Variants in ATP8B4 observed in about 807,000 individuals in gnomAD.
ATP8B4 encodes probable phospholipid-transporting ATPase IM.
ATP8B4 carries 133 observed loss-of-function variants against 145.6 expected under a neutral mutation model. That is an observed-to-expected ratio of 0.91 (90% CI 0.79 to 1.05). The LOEUF is 1.05. Ranked by LOEUF, ATP8B4 falls within the 50% of genes least tolerant of loss-of-function variation. ATP8B4 has a pLI of 0.00. For missense variants in ATP8B4, 1,458 were observed against 1,425.2 expected (o/e 1.02, Z -0.37); for synonymous variants, 507 against 492.9 (o/e 1.03, Z -0.38).
intron 5 of ATP8B4, among the ~76,000 whole-genome samples, chr15:50,044,100 A>G (rs201841790): frequency 6.6e-6 from 1 of 152,382 alleles, no homozygotes; most frequent in East Asian, 1.9e-4. Context: ...AAACTTATAC[A>G]TGAATTTTTG....
intron 1 of ATP8B4, among the ~76,000 whole-genome samples, chr15:50,115,585 A>T (rs546334488): frequency 4.2e-4 from 64 of 151,976 alleles, no homozygotes; most frequent in South Asian, 1.2e-3. Context: ...TGTGAAAGGG[A>T]AGGAAGGTTT....
chr15:49,962,296 TTC>T (rs1278022461), intron 13 of ATP8B4, among the ~76,000 whole-genome samples: 2 of 152,252 alleles, frequency 1.3e-5, no homozygotes, highest in Non-Finnish European at 2.9e-5. Context: ...AATGTTATCA[TTC>T]TGTTATTACA....
intron 8 of ATP8B4, among the ~76,000 whole-genome samples, chr15:50,001,353 G>A (rs1009646482): frequency 6.6e-6 from 1 of 152,112 alleles, no homozygotes; most frequent in Non-Finnish European, 1.5e-5. Context: ...GTCCAAAGTA[G>A]GGTCCCACAG....
At chr15:50,097,350 T>C (rs967160422) in intron 2 of ATP8B4, among the ~76,000 whole-genome samples, 2 of 131,470 alleles carry the variant, frequency 1.5e-5, no homozygotes, top group East Asian at 3.9e-4. Flanking sequence ...TGTAATCTAA[T>C]TATACAAAAA....
At chr15:49,937,362 C>T (rs2041823686) in intron 14 of ATP8B4, among the ~76,000 whole-genome samples, 2 of 152,114 alleles carry the variant, frequency 1.3e-5, no homozygotes, top group African/African-American at 4.8e-5. Context: ...CCAATTCTAC[C>T]CAGAAAATAT....
chr15:49,995,891 C>T (rs1029237243), intron 9 of ATP8B4, among the ~76,000 whole-genome samples: 1 of 151,946 alleles, frequency 6.6e-6, no homozygotes, highest in Non-Finnish European at 1.5e-5. Context: ...TATTATGGTG[C>T]CTAAAATCCT....
intron 14 of ATP8B4, among the ~76,000 whole-genome samples, chr15:49,940,846 T>G (rs534433673): frequency 1.3e-5 from 2 of 152,184 alleles, no homozygotes; most frequent in South Asian, 4.1e-4. Flanking sequence ...AGAGCACCAA[T>G]TGGTCAATAA....
At chr15:49,937,293 C>G (rs552144265) in intron 14 of ATP8B4, among the ~76,000 whole-genome samples, 1 of 152,030 alleles carries the variant, frequency 6.6e-6, no homozygotes, top group Non-Finnish European at 1.5e-5. Flanking sequence ...ATTTCAAGCC[C>G]CTAAGATCAA....
At chr15:49,996,629 C>T in intron 9 of ATP8B4, 48 bp downstream of exon 9, 1 of 1,423,726 alleles carries the variant, frequency 7.0e-7, no homozygotes, top group South Asian at 1.3e-5. Flanking sequence ...TGTTGCATTG[C>T]TTTTTGGGTT....
chr15:50,153,362 G>A (rs1411918755), intron 1 of ATP8B4, among the ~76,000 whole-genome samples: 6 of 141,088 alleles, frequency 4.3e-5, no homozygotes, highest in African/African-American at 1.3e-4. Flanking sequence ...TTTTTGAAAC[G>A]GTGTCCCACG....
At chr15:49,899,807 G>A (rs1212175267) in intron 21 of ATP8B4, among the ~76,000 whole-genome samples, 1 of 152,082 alleles carries the variant, frequency 6.6e-6, no homozygotes, top group Non-Finnish European at 1.5e-5. Context: ...CAAAAACATA[G>A]TCAAGTCTCC....
chr15:49,977,770 C>T (rs534613303), intron 12 of ATP8B4, among the ~76,000 whole-genome samples: 16 of 152,150 alleles, frequency 1.1e-4, no homozygotes, highest in Admixed American at 7.9e-4. Flanking sequence ...AAGTGTTATA[C>T]TGATATCAAA....
At chr15:50,095,694 G>A (rs1484490113) in intron 2 of ATP8B4, among the ~76,000 whole-genome samples, 1 of 151,920 alleles carries the variant, frequency 6.6e-6, no homozygotes, top group African/African-American at 2.4e-5. Context: ...GTTTGAGGCT[G>A]TAGTGAGCTA....
At chr15:49,973,956 C>T (rs190750401) in intron 12 of ATP8B4, among the ~76,000 whole-genome samples, 8 of 151,854 alleles carry the variant, frequency 5.3e-5, no homozygotes, top group African/African-American at 1.7e-4. Flanking sequence ...ATTGTATCTG[C>T]CTATTTTATT....
chr15:50,051,802 A>T (rs2052206797), intron 3 of ATP8B4, among the ~76,000 whole-genome samples: 1 of 152,246 alleles, frequency 6.6e-6, no homozygotes, highest in Non-Finnish European at 1.5e-5. Flanking sequence ...AAACCACGGC[A>T]GGAATTATAA....
chr15:50,073,980 A>G (rs1213235926), intron 3 of ATP8B4, 147 bp downstream of exon 3: 3 of 587,966 alleles, frequency 5.1e-6, no homozygotes, highest in Non-Finnish European at 9.1e-6. Context: ...TAAGATCTGT[A>G]TTTATGGAAA....
chr15:50,072,564 G>T (rs528255144), intron 3 of ATP8B4, among the ~76,000 whole-genome samples: 20 of 152,082 alleles, frequency 1.3e-4, no homozygotes, highest in African/African-American at 4.8e-4. Context: ...CAAGCCTAAA[G>T]CCCACACATG....
intron 1 of ATP8B4, among the ~76,000 whole-genome samples, chr15:50,173,842 G>A (rs1272957609): frequency 2.6e-5 from 4 of 152,026 alleles, no homozygotes; most frequent in Non-Finnish European, 5.9e-5. Context: ...ATAACCAAAA[G>A]AAGAAAACTA....
chr15:50,108,044 C>T (rs566358708), intron 1 of ATP8B4, among the ~76,000 whole-genome samples: 1 of 152,054 alleles, frequency 6.6e-6, no homozygotes, highest in Non-Finnish European at 1.5e-5. Context: ...CTAAAACTTA[C>T]GAATCCAAGC....
Sources: gnomAD v4.1 joint callset for allele counts (sites outside exome capture counted in the v4.1 genomes callset) on GRCh38, gnomAD v4.1.1 for gene constraint, MANE v1.5 for transcripts, NCBI Gene and HGNC (gene_info 2026-07-23, HGNC 2026-07-21) for gene names.